Variants in CFDP1 observed in about 807,000 individuals in gnomAD.
CFDP1 encodes chromatin remodeling protein CFDP1.
A neutral mutation model predicts 40.1 loss-of-function variants in CFDP1; 31 were observed. The ratio of observed to expected loss-of-function variants is 0.77; its 90% CI spans 0.58 to 1.04. CFDP1 has a LOEUF of 1.04. Ranked by LOEUF, CFDP1 falls within the 50% of genes least tolerant of loss-of-function variation. The pLI, the probability that CFDP1 is intolerant of heterozygous loss-of-function variation, is 0.00. For synonymous variants in CFDP1, 167 were observed against 120.0 expected, an observed-to-expected ratio of 1.39 and a Z score of -2.56; for missense variants, 423 against 343.4, an observed-to-expected ratio of 1.23 and a Z score of -1.83.
Position 75,323,495 on chromosome 16 carries a change from A to G in CFDP1, c.651-18313T>C, listed in dbSNP as rs72804147. On this transcript the variant is annotated intron_variant, in intron 5 of 6. Transcript: ENST00000283882. Reference sequence around the variant, plus strand: ...CTAAAATAACAATTTAAAGTATACTATAGGGCTGGGTACAGTGGCTCACGC... The same window carrying G: ...CTAAAATAACAATTTAAAGTATACTGTAGGGCTGGGTACAGTGGCTCACGC... Among the ~76,000 whole-genome samples the G allele has an allele frequency of 1.9e-3, 289 of 151,834 alleles. 2 individuals are homozygous for G. The highest frequency in any genetic ancestry group is 3.4e-3 in the Middle Eastern group (1 of 294).
chr16:75,349,381 G>A (rs2078592006), intron 5 of CFDP1, among the ~76,000 whole-genome samples: 1 of 151,206 alleles, frequency 6.6e-6, no homozygotes, highest in Non-Finnish European at 1.5e-5. Context: ...GTGGTGGCGG[G>A]CGACTGTAAT....
At chr16:75,395,037 G>A in intron 5 of CFDP1, 53 bp downstream of exon 5, 1 of 1,607,578 alleles carries the variant, frequency 6.2e-7, no homozygotes, top group Admixed American at 1.7e-5. Flanking sequence ...TATTTGCACT[G>A]AAAGCTTCTC....
At chr16:75,302,326 T>A (rs1414674233) in intron 6 of CFDP1, among the ~76,000 whole-genome samples, 3 of 152,210 alleles carry the variant, frequency 2.0e-5, no homozygotes, top group African/African-American at 7.2e-5. Flanking sequence ...ACTGGTGCGA[T>A]CAGAGCTCAC....
chr16:75,316,692 G>T (rs1052969518), intron 5 of CFDP1, among the ~76,000 whole-genome samples: 3 of 151,862 alleles, frequency 2.0e-5, no homozygotes, highest in Non-Finnish European at 4.4e-5. Context: ...AAAAGAGGCC[G>T]GGCGCGGTGG....
chr16:75,418,252 CAAAA>C (rs34789992), intron 1 of CFDP1, among the ~76,000 whole-genome samples: 40 of 57,006 alleles, frequency 7.0e-4, no homozygotes, highest in African/African-American at 2.4e-3. Flanking sequence ...AACTCTGTCT[CAAAA>C]AAAAAAAAAA....
intron 5 of CFDP1, among the ~76,000 whole-genome samples, chr16:75,305,744 A>G (rs1462856213): frequency 6.6e-6 from 1 of 152,226 alleles, no homozygotes; most frequent in Non-Finnish European, 1.5e-5. Flanking sequence ...TAAGAGAAAG[A>G]GAACCAGTTC....
intron 1 of CFDP1, among the ~76,000 whole-genome samples, chr16:75,430,648 G>A (rs1471627047): frequency 6.6e-6 from 1 of 151,436 alleles, no homozygotes; most frequent in Non-Finnish European, 1.5e-5. Flanking sequence ...ATTTTCAGTA[G>A]AGATGGGGTT....
rs536808936 is a variant in CFDP1, at chr16:75,363,397, T to G, written c.650+31693A>C. On this transcript the variant is annotated intron_variant, in intron 5 of 6. Coordinates refer to ENST00000283882, the MANE Select transcript of CFDP1 (RefSeq NM_006324.3). The stretch of plus-strand genomic sequence containing the variant: ...AACAAATGCAGGAAGCACTTTACCT[T>G]TTTTTTTTTTTTCCATGAGATGGTG... 2.3e-4 allele frequency among the ~76,000 whole-genome samples: 32 copies of G among 140,606 alleles called. No individual in the cohort carries two copies. In the South Asian group the frequency reaches 6.8e-3, roughly 30 times the overall value. 92.2% of individuals were successfully genotyped at this position (140,606 alleles called of 152,430 possible).
At chr16:75,305,455 G>T in intron 5 of CFDP1, 1 of 350,964 alleles carries the variant, frequency 2.8e-6, no homozygotes, top group Non-Finnish European at 5.2e-6. Context: ...CTGTGTGGCA[G>T]GTCTCTGCTT....
At chr16:75,387,437 G>A (rs1041841834) in intron 5 of CFDP1, among the ~76,000 whole-genome samples, 8 of 152,170 alleles carry the variant, frequency 5.3e-5, no homozygotes, top group Non-Finnish European at 1.0e-4. Flanking sequence ...CACTGCGCCC[G>A]GCCAGGGTAT....
intron 5 of CFDP1, among the ~76,000 whole-genome samples, chr16:75,354,964 G>A (rs1307360567): frequency 6.6e-6 from 1 of 152,208 alleles, no homozygotes; most frequent in African/African-American, 2.4e-5. Flanking sequence ...CAGCAATGAA[G>A]CAAATATCAC....
chr16:75,406,330 G>C (rs1003732753), intron 4 of CFDP1, among the ~76,000 whole-genome samples: 1 of 151,556 alleles, frequency 6.6e-6, no homozygotes, highest in Admixed American at 6.6e-5. Flanking sequence ...TGGGCCATGA[G>C]GGAGCCACTA....
chr16:75,368,493 T>A (rs1247560844), intron 5 of CFDP1, among the ~76,000 whole-genome samples: 1 of 152,088 alleles, frequency 6.6e-6, no homozygotes, highest in East Asian at 1.9e-4. Flanking sequence ...CTGTATGAAA[T>A]TTTCCACAAT....
chr16:75,353,373 A>G (rs924651138), intron 5 of CFDP1, among the ~76,000 whole-genome samples: 4 of 152,226 alleles, frequency 2.6e-5, no homozygotes, highest in South Asian at 2.1e-4. Flanking sequence ...TTTTAGATAT[A>G]TATCAAAAAT....
At chr16:75,331,247 C>T (rs967842422) in intron 5 of CFDP1, among the ~76,000 whole-genome samples, 4 of 152,206 alleles carry the variant, frequency 2.6e-5, no homozygotes, top group Non-Finnish European at 5.9e-5. Context: ...GGCATCAAAA[C>T]TTACATACAG....
At chr16:75,412,441 T>C in intron 3 of CFDP1, 94 bp downstream of exon 3, 2 of 921,368 alleles carry the variant, frequency 2.2e-6, no homozygotes, top group East Asian at 4.8e-5. Flanking sequence ...ACAATTGTTA[T>C]CAAAAGGCAT....
chr16:75,396,900 C>A (rs2078998611), intron 4 of CFDP1, among the ~76,000 whole-genome samples: 1 of 151,822 alleles, frequency 6.6e-6, no homozygotes, highest in Non-Finnish European at 1.5e-5. Flanking sequence ...GAAGTTTTTT[C>A]TTGTTTTTTG....
At chr16:75,414,805 T>C (rs1567679212) in intron 1 of CFDP1, 110 bp from the exon 2 acceptor site, 2 of 743,806 alleles carry the variant, frequency 2.7e-6, no homozygotes, top group Non-Finnish European at 4.5e-6. Context: ...TAAGAAAAAG[T>C]GAATTTTCCC....
intron 5 of CFDP1, among the ~76,000 whole-genome samples, chr16:75,310,246 G>A (rs538757421): frequency 8.5e-5 from 13 of 152,274 alleles, no homozygotes; most frequent in African/African-American, 2.6e-4. Context: ...AGAGAGAGTG[G>A]CTGAGTGCAG....
Sources: allele counts gnomAD v4.1 joint callset (sites outside exome capture counted in the v4.1 genomes callset), GRCh38; gene constraint gnomAD v4.1.1; transcripts MANE v1.5; gene names NCBI Gene and HGNC (gene_info 2026-07-23, HGNC 2026-07-21).